Variants in PCGF6 observed in about 807,000 individuals in gnomAD.
PCGF6 encodes the protein polycomb group RING finger protein 6.
Under a neutral mutation model 45.5 loss-of-function variants are expected in PCGF6, and 24 were observed. That is an observed-to-expected ratio of 0.53 (90% CI 0.38 to 0.74). The LOEUF is 0.74. Ranked by LOEUF, PCGF6 falls within the 30% of genes least tolerant of loss-of-function variation. PCGF6 has a pLI of 0.00. For missense variants in PCGF6, 356 were observed against 443.2 expected (o/e 0.80, Z 1.77); for synonymous variants, 152 against 162.1 (o/e 0.94, Z 0.47).
rs185874768 is a variant in PCGF6, at chr10:103,315,261, T to C, written c.910-989A>G. Among the ~76,000 whole-genome samples the C allele has an allele frequency of 5.4e-3, 820 of 151,972 alleles. 8 individuals are homozygous for C. Among genetic ancestry groups the C allele is most frequent in the Admixed American group, 8.1e-3 (123 of 15,238 alleles). ...AGTGCAGTGGCCCAATCATAGCTCATTGCAGCCTCAAACTCCTAGGCTGAG... is the reference window on the plus strand; with the variant it reads ...AGTGCAGTGGCCCAATCATAGCTCACTGCAGCCTCAAACTCCTAGGCTGAG... On this transcript the variant is annotated intron_variant, in intron 8 of 9. Coordinates refer to ENST00000369847, the MANE Select transcript of PCGF6 (RefSeq NM_001011663.2).
In PCGF6 at chr10:103,349,479, G is replaced by GTTTTT. The variant is rs11450842; in HGVS notation, c.361-485_361-481dup. ...TATAAATTATTGTTTCTTTCTTTCC[G>GTTTTT]TTTTTTTTTTTTTTTTTTTGAGAGG... On this transcript the variant is annotated intron_variant, in intron 1 of 9. Transcript: ENST00000369847. Among the ~76,000 whole-genome samples, 100 of 108,154 alleles carry GTTTTT rather than the reference G, an allele frequency of 9.2e-4. 1 individual carries two copies. The highest frequency in any genetic ancestry group is 1.0e-3 in the Non-Finnish European group (59 of 58,396). 71.0% of individuals were successfully genotyped at this position (108,154 alleles called of 152,430 possible). A position where few individuals can be genotyped will look rare whatever the true frequency, so the allele number is the denominator to read the frequency against.
Position 103,351,091 on chromosome 10 carries a change from C to T in PCGF6, c.-25G>A, listed in dbSNP as rs780891869. The T allele has an allele frequency of 1.2e-5, 16 of 1,348,604 alleles. No homozygotes were observed. Among genetic ancestry groups the T allele is most frequent in the South Asian group, 6.5e-5 (3 of 46,164 alleles). 83.5% of individuals were successfully genotyped at this position (1,348,604 alleles called of 1,614,324 possible). A position where few individuals can be genotyped will look rare whatever the true frequency, so the allele number is the denominator to read the frequency against. On this transcript the variant is annotated 5_prime_UTR_variant, in exon 1 of 10. Transcript: ENST00000369847. ...TGGTCGGGAGAGACACCAGGCGAGGCGAGGCGGCGGGAGAGCGCGGGAGTT... is the reference window on the plus strand; with the variant it reads ...TGGTCGGGAGAGACACCAGGCGAGGTGAGGCGGCGGGAGAGCGCGGGAGTT...
chr10:103,326,739 CGAA>C (rs2093220421), intron 7 of PCGF6, 107 bp from the exon 8 acceptor site: 1 of 669,412 alleles, frequency 1.5e-6, no homozygotes, highest in South Asian at 3.2e-5. Context: ...AATTTTATAG[CGAA>C]GATGATTCAA....
intron 8 of PCGF6, among the ~76,000 whole-genome samples, chr10:103,325,253 G>GTTTGT (rs1366288068): frequency 6.6e-6 from 1 of 151,774 alleles, no homozygotes; most frequent in Non-Finnish European, 1.5e-5. Context: ...TTGTTTTTTT[G>GTTTGT]TTTGTTTTGT....
At chr10:103,331,415 G>C (rs1420381579) in intron 7 of PCGF6, among the ~76,000 whole-genome samples, 3 of 151,972 alleles carry the variant, frequency 2.0e-5, no homozygotes, top group Non-Finnish European at 4.4e-5. Flanking sequence ...CCACCACCAC[G>C]CCTGGCTAAT....
At chr10:103,350,581 G>C in intron 1 of PCGF6, 126 bp downstream of exon 1, 1 of 964,116 alleles carries the variant, frequency 1.0e-6, no homozygotes, top group Non-Finnish European at 1.4e-6. Context: ...GAGGTCGGGG[G>C]AGGTCCGCTC....
Position 103,351,024 on chromosome 10 carries a change from C to A in PCGF6, c.43G>T (p.Ala15Ser). Residue 15 changes from alanine (A) to serine (S), a missense_variant, in exon 1 of 10, where the codon GCC (alanine) becomes TCC (serine). Coordinates refer to ENST00000369847, the MANE Select transcript of PCGF6 (RefSeq NM_001011663.2). ...AVVTAGSVGA[A>S]KTEGAAALPP... is the part of the protein sequence containing the mutation. ...AAGGCTGCAGCTCCCTCGGTTTTGGCAGCGCCTACGCTGCCCGCCGTCACC... is the reference window on the plus strand; with the variant it reads ...AAGGCTGCAGCTCCCTCGGTTTTGGAAGCGCCTACGCTGCCCGCCGTCACC... 1 of 1,416,558 alleles carries A rather than the reference C, an allele frequency of 7.1e-7. No individual in the cohort carries two copies. Among genetic ancestry groups the A allele is most frequent in the Non-Finnish European group, 9.2e-7 (1 of 1,086,388 alleles). 87.7% of individuals were successfully genotyped at this position (1,416,558 alleles called of 1,614,324 possible).
At chr10:103,323,574 T>G (rs958630620) in intron 8 of PCGF6, among the ~76,000 whole-genome samples, 12 of 125,504 alleles carry the variant, frequency 9.6e-5, no homozygotes, top group Non-Finnish European at 1.5e-4. Flanking sequence ...GGATTACAGG[T>G]GTGAGCCACC....
At chr10:103,324,454 G>A (rs571851578) in intron 8 of PCGF6, among the ~76,000 whole-genome samples, 100 of 151,468 alleles carry the variant, frequency 6.6e-4, no homozygotes, top group Middle Eastern at 6.8e-3. Context: ...GGTTTCCATC[G>A]TACAACAAGA....
chr10:103,349,039 G>C (rs900331653), intron 1 of PCGF6, 40 bp from the exon 2 acceptor site: 2 of 1,519,682 alleles, frequency 1.3e-6, no homozygotes, highest in Non-Finnish European at 1.8e-6. Context: ...ACAAGTCCTT[G>C]CCTTTTACAA....
intron 7 of PCGF6, among the ~76,000 whole-genome samples, chr10:103,327,845 T>C (rs1265313359): frequency 1.3e-5 from 2 of 151,346 alleles, no homozygotes; most frequent in Non-Finnish European, 2.9e-5. Context: ...CAACTAATTT[T>C]TTTTTTTTTT....
chr10:103,338,650 T>C (rs2093267472), intron 6 of PCGF6, among the ~76,000 whole-genome samples: 1 of 151,510 alleles, frequency 6.6e-6, no homozygotes, highest in Non-Finnish European at 1.5e-5. Flanking sequence ...GTGAATCACC[T>C]GAGGTCAGGA....
At chr10:103,347,694 T>TTG (rs761111831) in intron 3 of PCGF6, among the ~76,000 whole-genome samples, 8 of 152,146 alleles carry the variant, frequency 5.3e-5, no homozygotes, top group East Asian at 1.9e-4. Flanking sequence ...GCATTGTTTT[T>TTG]TGTGTGTGTG....
rs751408599 is a variant in PCGF6 at position 103,303,741 on chromosome 10, G to A, written c.*164C>T. 10 of 544,614 alleles carry A rather than the reference G, an allele frequency of 1.8e-5. No individual in the cohort carries two copies. Among genetic ancestry groups the A allele is most frequent in the Middle Eastern group, 5.1e-4 (1 of 1,944 alleles). 33.7% of individuals were successfully genotyped at this position (544,614 alleles called of 1,614,324 possible). ...TCTCTAGTAACAGATGCATTCCATC[G>A]TTCCAAGTTGTACTTATAAACGCTA... On this transcript the variant is annotated 3_prime_UTR_variant, in exon 10 of 10. Coordinates refer to ENST00000369847, the MANE Select transcript of PCGF6 (RefSeq NM_001011663.2).
chr10:103,341,158 G>A (rs1592074901), intron 6 of PCGF6, among the ~76,000 whole-genome samples: 1 of 151,980 alleles, frequency 6.6e-6, no homozygotes, highest in East Asian at 2.0e-4. Context: ...GAACCCGGGA[G>A]GTGGAGGTTG....
intron 9 of PCGF6, among the ~76,000 whole-genome samples, chr10:103,305,150 T>C (rs1173567973): frequency 6.6e-6 from 1 of 150,914 alleles, no homozygotes; most frequent in African/African-American, 2.4e-5. Flanking sequence ...ATTTTTTTTT[T>C]CCCAGTATAA....
At chr10:103,304,940 T>C (rs369800754) in intron 9 of PCGF6, among the ~76,000 whole-genome samples, 5 of 151,936 alleles carry the variant, frequency 3.3e-5, no homozygotes, top group African/African-American at 1.2e-4. Context: ...CTAGACCAGC[T>C]TGTCAATGTG....
At chr10:103,335,008 A>C (rs1372515445) in intron 6 of PCGF6, among the ~76,000 whole-genome samples, 2 of 152,102 alleles carry the variant, frequency 1.3e-5, no homozygotes, top group African/African-American at 4.8e-5. Flanking sequence ...TTATGTTGTG[A>C]AGATTAGACA....
At chr10:103,315,376 T>C (rs890205045) in intron 8 of PCGF6, among the ~76,000 whole-genome samples, 3 of 151,850 alleles carry the variant, frequency 2.0e-5, no homozygotes, top group African/African-American at 7.3e-5. Context: ...AGTTCGTTTT[T>C]TGAGATGGAG....
Sources: gnomAD v4.1 joint callset for allele counts (sites outside exome capture counted in the v4.1 genomes callset) on GRCh38, gnomAD v4.1.1 for gene constraint, MANE v1.5 for transcripts, NCBI Gene and HGNC (gene_info 2026-07-23, HGNC 2026-07-21) for gene names.